Variants in ZNF431 observed in about 807,000 individuals in gnomAD.
The protein encoded by ZNF431 is zinc finger protein 431.
Under a neutral mutation model 57.0 loss-of-function variants are expected in ZNF431, and 34 were observed. The observed-to-expected ratio is 0.60, with a 90% confidence interval of 0.45 to 0.79. The LOEUF is 0.79. Ranked by LOEUF, ZNF431 falls within the 30% of genes least tolerant of loss-of-function variation. The pLI, the probability that ZNF431 is intolerant of heterozygous loss-of-function variation, is 0.00. For missense variants in ZNF431, 607 were observed against 667.1 expected, an observed-to-expected ratio of 0.91 and a Z score of 0.99; for synonymous variants, 207 against 220.3, an observed-to-expected ratio of 0.94 and a Z score of 0.54.
intron 2 of ZNF431, among the ~76,000 whole-genome samples, chr19:21,165,850 A>T (rs1970705420): frequency 6.6e-6 from 1 of 152,190 alleles, no homozygotes; most frequent in Admixed American, 6.5e-5. Context: ...CTGGGATAAA[A>T]ACATTGGCAT....
chr19:21,190,261 T>C lies in ZNF431; in HGVS notation c.*6227T>C, dbSNP rs973303491. On this transcript the variant is annotated 3_prime_UTR_variant, in exon 5 of 5. Coordinates refer to ENST00000311048, the MANE Select transcript of ZNF431 (RefSeq NM_133473.4). ...ATTGTCTTTATTTACTCATTAGATG[T>C]TGAACTGTTTATTCTGTATTTTGGC... 1.2e-5 allele frequency: 2 copies of C among 171,526 alleles called. No homozygotes were observed. The highest frequency in any genetic ancestry group is 6.3e-5 in the Admixed American group (1 of 15,830). The allele number at this position is 171,526 out of a possible 1,614,324, so 10.6% of individuals were successfully genotyped here.
chr19:21,195,561 G>A lies in ZNF431; in HGVS notation c.*11527G>A, dbSNP rs1214870041. 1 of 152,132 alleles carries A rather than the reference G, an allele frequency of 6.6e-6. No individual in the cohort carries two copies. Among genetic ancestry groups the A allele is most frequent in the African/African-American group, 2.4e-5 (1 of 41,426 alleles). 9.4% of individuals were successfully genotyped at this position (152,132 alleles called of 1,614,324 possible). A position where few individuals can be genotyped will look rare whatever the true frequency, so the allele number is the denominator to read the frequency against. Reference sequence around the variant, plus strand: ...CTAATACAGAACACTTAATGTATCAGACAACCATGATTATGATGTATATAC... The same window carrying A: ...CTAATACAGAACACTTAATGTATCAAACAACCATGATTATGATGTATATAC... On this transcript the variant is annotated 3_prime_UTR_variant, in exon 5 of 5. Coordinates refer to ENST00000311048, the MANE Select transcript of ZNF431 (RefSeq NM_133473.4).
intron 2 of ZNF431, among the ~76,000 whole-genome samples, chr19:21,152,619 C>T (rs953795407): frequency 3.3e-5 from 5 of 152,134 alleles, no homozygotes; most frequent in South Asian, 2.1e-4. Flanking sequence ...TTTCTAAGCT[C>T]GGCCTCAAAT....
At chr19:21,179,568 T>G (rs1419549636) in intron 4 of ZNF431, among the ~76,000 whole-genome samples, 1 of 151,468 alleles carries the variant, frequency 6.6e-6, no homozygotes, top group Non-Finnish European at 1.5e-5. Context: ...TGTCTTTTTT[T>G]TTTTTTTTTT....
chr19:21,167,333 A>G (rs1335773754), intron 3 of ZNF431, among the ~76,000 whole-genome samples: 4 of 148,524 alleles, frequency 2.7e-5, no homozygotes, highest in Non-Finnish European at 5.9e-5. Flanking sequence ...CTAATTTTGT[A>G]TTTTTAGTAG....
chr19:21,153,975 CAA>C (rs1970348865), intron 2 of ZNF431, among the ~76,000 whole-genome samples: 1 of 152,126 alleles, frequency 6.6e-6, no homozygotes, highest in African/African-American at 2.4e-5. Flanking sequence ...CTTGGCCTCC[CAA>C]AGTACTGGGA....
Position 21,183,369 on chromosome 19 carries a change from T to A in ZNF431, c.1066T>A (p.Phe356Ile), listed in dbSNP as rs1489498321. ...CEECDKAFNR[F>I]SYLTKHKIIH... ...GGAATGTGACAAAGCTTTTAATCGA[T>A]TCTCATACCTTACTAAACATAAGAT... The change falls in exon 5 of 5, where the codon TTC (phenylalanine) becomes ATC (isoleucine). Residue 356 changes from phenylalanine (F) to isoleucine (I), a missense_variant. Physicochemically the swap from Phe to Ile is conservative, Grantham distance 21 (BLOSUM62 0). Coordinates refer to ENST00000311048, the MANE Select transcript of ZNF431 (RefSeq NM_133473.4). 6.2e-7 allele frequency: 1 copy of A among 1,613,586 alleles called. No individual in the cohort carries two copies. Among genetic ancestry groups the A allele is most frequent in the South Asian group, 1.1e-5 (1 of 91,050 alleles).
intron 2 of ZNF431, chr19:21,162,798 T>C: frequency 1.0e-6 from 1 of 979,730 alleles, no homozygotes; most frequent in Non-Finnish European, 1.2e-6. Context: ...TCCTAATTTT[T>C]AAGTTTTGTG....
At chr19:21,150,535 G>T (rs1336990130) in intron 2 of ZNF431, 1 of 174,758 alleles carries the variant, frequency 5.7e-6, no homozygotes, top group Non-Finnish European at 1.2e-5. Flanking sequence ...CGTTTTTATG[G>T]CCTAAAAAGT....
intron 2 of ZNF431, among the ~76,000 whole-genome samples, chr19:21,156,538 A>C (rs746045107): frequency 6.6e-6 from 1 of 151,996 alleles, no homozygotes; most frequent in African/African-American, 2.4e-5. Flanking sequence ...CTGCATTCTC[A>C]ACTAGGCCTC....
rs973805753 is a variant in ZNF431, at chr19:21,186,883, G to C, written c.*2849G>C. On this transcript the variant is annotated 3_prime_UTR_variant, in exon 5 of 5. Transcript: ENST00000311048. ...CTTTTAAGAGGAGAACAATATATAG[G>C]TTTTCTTTAGTGATTTGTTCCTTTC... 1 of 152,018 alleles carries C rather than the reference G, an allele frequency of 6.6e-6. No individual in the cohort carries two copies. Among genetic ancestry groups the C allele is most frequent in the South Asian group, 2.1e-4 (1 of 4,820 alleles). The allele number at this position is 152,018 out of a possible 1,614,324, so 9.4% of individuals were successfully genotyped here.
At chr19:21,142,363 A>T (rs774819474) in intron 1 of ZNF431, among the ~76,000 whole-genome samples, 177 bp downstream of exon 1, 1 of 152,200 alleles carries the variant, frequency 6.6e-6, no homozygotes, top group South Asian at 2.1e-4. Context: ...CTGTGCTGAC[A>T]GTCGGGACCC....
Position 21,190,208 on chromosome 19 carries a change from A to G in ZNF431, c.*6174A>G, listed in dbSNP as rs1647105080. The G allele has an allele frequency of 4.2e-6, 1 of 236,430 alleles. No individual in the cohort carries two copies. The highest frequency in any genetic ancestry group is 2.2e-5 in the African/African-American group (1 of 44,490). 14.6% of individuals were successfully genotyped at this position (236,430 alleles called of 1,614,324 possible). ...GGCATTTTTCTCATTTAAATAATAA[A>G]TAGTATTCCATTATGTATATCAACC... On this transcript the variant is annotated 3_prime_UTR_variant, in exon 5 of 5. Coordinates refer to ENST00000311048, the MANE Select transcript of ZNF431 (RefSeq NM_133473.4).
At chr19:21,180,615 A>C (rs987993807) in intron 4 of ZNF431, among the ~76,000 whole-genome samples, 2 of 152,160 alleles carry the variant, frequency 1.3e-5, no homozygotes, top group African/African-American at 4.8e-5. Context: ...GATTATATAA[A>C]ACCTCTAAAA....
chr19:21,180,308 C>A (rs1039527943), intron 4 of ZNF431, among the ~76,000 whole-genome samples: 2 of 152,154 alleles, frequency 1.3e-5, no homozygotes, highest in African/African-American at 2.4e-5. Flanking sequence ...TTTGCAATGG[C>A]TGGTAATGGT....
intron 4 of ZNF431, 42 bp downstream of exon 4, chr19:21,167,708 T>C: frequency 1.4e-6 from 2 of 1,396,854 alleles, no homozygotes; most frequent in Non-Finnish European, 1.9e-6. Flanking sequence ...AGATGAGAGG[T>C]CCAAAGCTTA....
intron 2 of ZNF431, among the ~76,000 whole-genome samples, chr19:21,144,054 C>A (rs1031903764): frequency 2.0e-5 from 3 of 151,972 alleles, no homozygotes; most frequent in Non-Finnish European, 4.4e-5. Flanking sequence ...ATTGAATGGC[C>A]TGACTTGAAA....
At position 21,166,392 on chromosome 19, in the gene ZNF431, C is replaced by T; in HGVS notation, c.154C>T (p.Leu52=). 6.2e-7 allele frequency: 1 copy of T among 1,611,992 alleles called. No homozygotes were observed. The change falls in exon 3 of 5, where the codon CTG becomes TTG. Residue 52 remains leucine, a synonymous_variant. Coordinates refer to ENST00000311048, the MANE Select transcript of ZNF431 (RefSeq NM_133473.4). The stretch of plus-strand genomic sequence containing the variant: ...ATTCTCTCTGGAGGAGTGGGAATGC[C>T]TGAACCCTGCTCAGCAGAATTTATA... ...IEFSLEEWEC[L]NPAQQNLYMN...
intron 4 of ZNF431, among the ~76,000 whole-genome samples, chr19:21,170,662 TTTTTC>T (rs1555709626): frequency 6.6e-5 from 10 of 151,814 alleles, no homozygotes; most frequent in South Asian, 2.1e-4. Context: ...TTTTCTTTTT[TTTTTC>T]TTTTCTTTTC....
Sources: allele counts gnomAD v4.1 joint callset (sites outside exome capture counted in the v4.1 genomes callset), GRCh38; gene constraint gnomAD v4.1.1; transcripts MANE v1.5; gene names NCBI Gene and HGNC (gene_info 2026-07-23, HGNC 2026-07-21).